INPP5A: variants seen among roughly 807,000 people sequenced by gnomAD.
The protein encoded by INPP5A is inositol polyphosphate-5-phosphatase A.
INPP5A carries 14 observed loss-of-function variants against 65.2 expected under a neutral mutation model. The observed-to-expected ratio is 0.21, with a 90% CI of 0.14 to 0.34. The LOEUF is 0.34. INPP5A is among the 10% of genes least tolerant of loss of function. The pLI is 1.00. For missense variants in INPP5A, 431 were observed against 545.6 expected, an observed-to-expected ratio of 0.79 and a Z score of 2.09; for synonymous variants, 207 against 208.3, an observed-to-expected ratio of 0.99 and a Z score of 0.05.
rs1489107368 is a variant in INPP5A, at chr10:132,778,011, G to A, written c.1089+229G>A. On this transcript the variant is annotated intron_variant, in intron 13 of 15. Transcript: ENST00000368594. Reference sequence around the variant, plus strand: ...AGATGGAGCCGAGTTCCTGGGCCATGGGCAGCCAGCGTCATCCTGAGTTTG... The same window carrying A: ...AGATGGAGCCGAGTTCCTGGGCCATAGGCAGCCAGCGTCATCCTGAGTTTG... 4 of 1,215,640 alleles carry A rather than the reference G, an allele frequency of 3.3e-6. No individual in the cohort carries two copies. In the East Asian group the frequency reaches 7.8e-5, roughly 24 times the overall value. 75.3% of individuals were successfully genotyped at this position (1,215,640 alleles called of 1,614,324 possible).
intron 4 of INPP5A, among the ~76,000 whole-genome samples, chr10:132,681,825 C>T (rs765731540): frequency 2.6e-5 from 4 of 152,284 alleles, no homozygotes; most frequent in East Asian, 1.9e-4. Context: ...CTGCAAAATG[C>T]GGAAGCAGTA....
At chr10:132,776,885 G>T (rs1313609910) in intron 12 of INPP5A, among the ~76,000 whole-genome samples, 3 of 152,168 alleles carry the variant, frequency 2.0e-5, no homozygotes, top group Non-Finnish European at 2.9e-5. Context: ...TGTGTGCGTG[G>T]ACTGCTCTGC....
At chr10:132,596,243 C>T (rs1000561347) in intron 1 of INPP5A, among the ~76,000 whole-genome samples, 5 of 152,152 alleles carry the variant, frequency 3.3e-5, no homozygotes, top group African/African-American at 9.7e-5. Flanking sequence ...GGCATGGCGG[C>T]GTGGCGGCAT....
At position 132,752,584 on chromosome 10, in the gene INPP5A, G is replaced by C. The variant is rs1327683298; in HGVS notation, c.903+2739G>C. Among the ~76,000 whole-genome samples, 6 of 140,748 alleles carry C rather than the reference G, an allele frequency of 4.3e-5. No homozygotes were observed. In the East Asian group the frequency reaches 1.1e-3, roughly 25 times the overall value. The allele number at this position is 140,748 out of a possible 152,430, so 92.3% of individuals were successfully genotyped here. On this transcript the variant is annotated intron_variant, in intron 11 of 15. Coordinates refer to ENST00000368594, the MANE Select transcript of INPP5A (RefSeq NM_005539.5). Reference sequence around the variant, plus strand: ...TGGCGTGGAGGGGAGTGGTGAGGAGGTGTGGCATGGAGGGGTGTGGCATGG... The same window carrying C: ...TGGCGTGGAGGGGAGTGGTGAGGAGCTGTGGCATGGAGGGGTGTGGCATGG...
At chr10:132,776,876 G>T (rs1366654699) in intron 12 of INPP5A, among the ~76,000 whole-genome samples, 2 of 152,206 alleles carry the variant, frequency 1.3e-5, no homozygotes, top group East Asian at 3.8e-4. Context: ...ATCAGTCCGT[G>T]TGTGCGTGGA....
At chr10:132,623,173 A>G (rs2072130165) in intron 2 of INPP5A, among the ~76,000 whole-genome samples, 1 of 152,244 alleles carries the variant, frequency 6.6e-6, no homozygotes. Context: ...AAGCAAAAGA[A>G]CTAGAATAGC....
intron 1 of INPP5A, among the ~76,000 whole-genome samples, chr10:132,595,080 T>TC (rs1176464406): frequency 6.6e-6 from 1 of 152,264 alleles, no homozygotes; most frequent in Non-Finnish European, 1.5e-5. Context: ...GGCGTTTTTT[T>TC]CTGTCTTTTT....
chr10:132,584,448 G>A (rs2071523316), intron 1 of INPP5A, among the ~76,000 whole-genome samples: 1 of 152,030 alleles, frequency 6.6e-6, no homozygotes, highest in Admixed American at 6.5e-5. Flanking sequence ...GCCAAGTTTT[G>A]TTTTTTAAGG....
In INPP5A at chr10:132,593,691, T is replaced by C. The variant is rs141646964; in HGVS notation, c.76-14224T>C. ...TGTCCTTGTTCCTCTATAGCTAAGATGTATTTTTTTCTTGCTTCTTTCAAG... is the reference window on the plus strand; with the variant it reads ...TGTCCTTGTTCCTCTATAGCTAAGACGTATTTTTTTCTTGCTTCTTTCAAG... On this transcript the variant is annotated intron_variant, in intron 1 of 15. Coordinates refer to ENST00000368594, the MANE Select transcript of INPP5A (RefSeq NM_005539.5). Among the ~76,000 whole-genome samples the C allele has an allele frequency of 2.4e-4, 37 of 152,348 alleles. No homozygotes were observed. The East Asian group carries it at 6.2e-3, about 25-fold the overall frequency.
intron 13 of INPP5A, among the ~76,000 whole-genome samples, chr10:132,780,508 CCT>C (rs1426361478): frequency 1.3e-5 from 2 of 152,026 alleles, no homozygotes; most frequent in Non-Finnish European, 2.9e-5. Context: ...CTGCAACTCC[CCT>C]GAGAGCCCAG....
At chr10:132,682,429 C>T (rs2073060130) in intron 4 of INPP5A, among the ~76,000 whole-genome samples, 2 of 152,188 alleles carry the variant, frequency 1.3e-5, no homozygotes, top group Non-Finnish European at 1.5e-5. Flanking sequence ...CCACACAGTT[C>T]GATGAAGAGG....
In INPP5A at chr10:132,603,928, C is replaced by CCCGCCCTGCGCCGT. The variant is rs1200434756; in HGVS notation, c.76-3986_76-3985insCGCCCTGCGCCGTC. ...TGCGCCGTCAGGGTCCCCTCTCCGT[C>CCCGCCCTGCGCCGT]CAGCCCTGCGCCGTCAAGGTCCCCT... On this transcript the variant is annotated intron_variant, in intron 1 of 15. Coordinates refer to ENST00000368594, the MANE Select transcript of INPP5A (RefSeq NM_005539.5). This position sits in a 1 kb window ranked among gnomAD's most constrained non-coding sequence, Gnocchi z 4.2. Among the ~76,000 whole-genome samples, 4 of 151,774 alleles carry CCCGCCCTGCGCCGT rather than the reference C, an allele frequency of 2.6e-5. No homozygotes were observed. Among genetic ancestry groups the CCCGCCCTGCGCCGT allele is most frequent in the South Asian group, 2.1e-4 (1 of 4,806 alleles).
At chr10:132,767,102 T>G (rs1221031431) in intron 12 of INPP5A, among the ~76,000 whole-genome samples, 2 of 117,314 alleles carry the variant, frequency 1.7e-5, no homozygotes, top group East Asian at 5.3e-4. Context: ...AGCTGGAGGA[T>G]GCGGCCTCGG....
At chr10:132,777,591 G>A (rs1270875925) in intron 12 of INPP5A, 80 bp from the exon 13 acceptor site, 22 of 1,273,176 alleles carry the variant, frequency 1.7e-5, no homozygotes, top group Non-Finnish European at 2.5e-5. Context: ...TGTATTGGGA[G>A]AGAATCGGCA....
intron 11 of INPP5A, among the ~76,000 whole-genome samples, chr10:132,756,580 C>T (rs1383010374): frequency 6.6e-6 from 1 of 152,236 alleles, no homozygotes; most frequent in Non-Finnish European, 1.5e-5. Context: ...GAAGGAGCCG[C>T]TGCGCCGCCT....
intron 12 of INPP5A, among the ~76,000 whole-genome samples, chr10:132,777,436 C>T (rs1336446499): frequency 6.6e-6 from 1 of 152,240 alleles, no homozygotes; most frequent in Admixed American, 6.5e-5. Context: ...AAAGGAAGGA[C>T]TGATGTGAAG....
chr10:132,672,715 A>C (rs1227709657), intron 4 of INPP5A, among the ~76,000 whole-genome samples: 1 of 152,170 alleles, frequency 6.6e-6, no homozygotes, highest in Non-Finnish European at 1.5e-5. Context: ...AGTTTGGAAA[A>C]ACGTGATTTC....
At chr10:132,758,779 A>T (rs1846678118) in intron 11 of INPP5A, among the ~76,000 whole-genome samples, 1 of 152,068 alleles carries the variant, frequency 6.6e-6, no homozygotes, top group African/African-American at 2.4e-5. Context: ...GTCTCCTCTC[A>T]TGAGGAGCAC....
At chr10:132,718,899 A>G (rs1361289787) in intron 8 of INPP5A, among the ~76,000 whole-genome samples, 5,283 of 26,756 alleles carry the variant, frequency 0.2, 5 homozygotes, top group Admixed American at 0.22. Flanking sequence ...TTCTGTCTGG[A>G]CGCCTTAGAC....
Sources: gnomAD v4.1 joint callset for allele counts (sites outside exome capture counted in the v4.1 genomes callset) on GRCh38, gnomAD v4.1.1 for gene constraint, Gnocchi (gnomAD v3.1) non-coding constraint, MANE v1.5 for transcripts, NCBI Gene and HGNC (gene_info 2026-07-23, HGNC 2026-07-21) for gene names.